NRG1: variants seen among roughly 807,000 people sequenced by gnomAD.
NRG1 encodes the protein neuregulin 1.
A neutral mutation model predicts 63.8 loss-of-function variants in NRG1; 18 were observed. That is an observed-to-expected ratio of 0.28 (90% CI 0.19 to 0.42). NRG1 has a LOEUF of 0.42. Among genes scored for constraint, NRG1 ranks in the 10% least tolerant of loss-of-function variants. The pLI is 1.00. For missense variants in NRG1, 762 were observed against 814.7 expected (o/e 0.94, Z 0.79); for synonymous variants, 302 against 301.3 (o/e 1.00, Z -0.02).
intron 1 of NRG1, among the ~76,000 whole-genome samples, chr8:32,441,588 C>T (rs1819549177): frequency 6.6e-6 from 1 of 151,954 alleles, no homozygotes; most frequent in South Asian, 2.1e-4. Flanking sequence ...CACTGCACTC[C>T]AGTCTGGGAG....
At chr8:31,791,126 T>C (rs111728962) in intron 1 of NRG1, among the ~76,000 whole-genome samples, 7,760 of 151,422 alleles carry the variant, frequency 0.051, 674 homozygotes, top group African/African-American at 0.18. Context: ...CAAGAATCCA[T>C]TGAGCCTGGG....
chr8:31,880,637 T>C (rs760511532), intron 1 of NRG1, among the ~76,000 whole-genome samples: 4 of 152,204 alleles, frequency 2.6e-5, no homozygotes, highest in Non-Finnish European at 4.4e-5. Flanking sequence ...ATGAAGACTT[T>C]GATGTTTAAC....
intron 1 of NRG1, among the ~76,000 whole-genome samples, chr8:31,683,668 G>A (rs1808574931): frequency 6.6e-6 from 1 of 152,096 alleles, no homozygotes. Flanking sequence ...AGCCCTGAGA[G>A]TGAATCCTAA....
chr8:31,936,556 A>G (rs899331455), intron 1 of NRG1, among the ~76,000 whole-genome samples: 5 of 152,232 alleles, frequency 3.3e-5, no homozygotes, highest in Admixed American at 6.5e-5. Flanking sequence ...ACAACCTGGT[A>G]TTACATTTCT....
intron 1 of NRG1, among the ~76,000 whole-genome samples, chr8:32,478,264 T>TC (rs1554554196): frequency 2.0e-5 from 3 of 151,896 alleles, no homozygotes; most frequent in African/African-American, 7.3e-5. Flanking sequence ...TTCTTCCATG[T>TC]GGGGGGGCCT....
At chr8:32,474,438 C>A (rs759076796) in intron 1 of NRG1, among the ~76,000 whole-genome samples, 3 of 151,690 alleles carry the variant, frequency 2.0e-5, no homozygotes, top group Non-Finnish European at 4.4e-5. Context: ...CCCTTCCCTC[C>A]AGGGTCCTGA....
At chr8:32,314,496 A>ATT (rs1362905623) in intron 1 of NRG1, among the ~76,000 whole-genome samples, 3 of 152,178 alleles carry the variant, frequency 2.0e-5, no homozygotes, top group Non-Finnish European at 4.4e-5. Context: ...CTCCAGCAAT[A>ATT]AGCCTAATGA....
At chr8:32,034,569 G>T (rs950209248) in intron 1 of NRG1, among the ~76,000 whole-genome samples, 1 of 152,078 alleles carries the variant, frequency 6.6e-6, no homozygotes, top group African/African-American at 2.4e-5. Context: ...CTGTAGACCA[G>T]TCTATTCCTG....
In NRG1 at chr8:32,742,795, T is replaced by C; in HGVS notation, c.691+62T>C. ...AGCATGCTCAGTTGGTGCTGCTTTC[T>C]TGTTGCTGCATCTCCCCTCAGATTC... On this transcript the variant is annotated intron_variant, in intron 7 of 11. Coordinates refer to ENST00000356819, the Ensembl canonical transcript of NRG1. This position sits in a 1 kb window ranked among gnomAD's most constrained non-coding sequence, Gnocchi z 4.2. 1 of 1,613,274 alleles carries C rather than the reference T, an allele frequency of 6.2e-7. No homozygotes were observed.
At chr8:31,694,581 A>G (rs1307221122) in intron 1 of NRG1, among the ~76,000 whole-genome samples, 2 of 152,120 alleles carry the variant, frequency 1.3e-5, no homozygotes, top group East Asian at 3.9e-4. Flanking sequence ...ATTCTGTAAC[A>G]TGTACTTGTG....
At chr8:32,570,723 T>C (rs1020783984) in intron 1 of NRG1, among the ~76,000 whole-genome samples, 2 of 152,204 alleles carry the variant, frequency 1.3e-5, no homozygotes, top group African/African-American at 4.8e-5. Flanking sequence ...AACTCTTGTT[T>C]TGAAAGGACC....
chr8:32,346,397 G>C (rs1209215725), intron 1 of NRG1, among the ~76,000 whole-genome samples: 1 of 151,002 alleles, frequency 6.6e-6, no homozygotes, highest in East Asian at 1.9e-4. Flanking sequence ...ACAAATCACT[G>C]TTAACATTTG....
intron 1 of NRG1, among the ~76,000 whole-genome samples, chr8:32,433,715 G>T (rs1241009855): frequency 6.6e-6 from 1 of 152,130 alleles, no homozygotes; most frequent in Non-Finnish European, 1.5e-5. Flanking sequence ...CTAAATGGAT[G>T]TTAGAATTCA....
chr8:32,415,703 A>T (rs1030013268), intron 1 of NRG1, among the ~76,000 whole-genome samples: 4 of 152,052 alleles, frequency 2.6e-5, no homozygotes, highest in Admixed American at 6.6e-5. Flanking sequence ...TGTACACTTC[A>T]TTCCCCCTTT....
chr8:31,956,736 A>T, intron 1 of NRG1, among the ~76,000 whole-genome samples: 1 of 152,272 alleles, frequency 6.6e-6, no homozygotes, highest in Non-Finnish European at 1.5e-5. Context: ...TAAGCAGCAG[A>T]ACTGGGATTT....
intron 1 of NRG1, among the ~76,000 whole-genome samples, chr8:31,846,672 A>G (rs16878350): frequency 0.16 from 24,914 of 152,172 alleles, 2,227 homozygotes; most frequent in Non-Finnish European, 0.19. Flanking sequence ...AGTGCACACA[A>G]TGCTGTAGGA....
chr8:32,345,228 G>A (rs1804735384), intron 1 of NRG1, among the ~76,000 whole-genome samples: 1 of 152,190 alleles, frequency 6.6e-6, no homozygotes, highest in South Asian at 2.1e-4. Context: ...CATTGTGCAA[G>A]CACTTTATGA....
chr8:31,646,147 G>A (rs186082069), intron 1 of NRG1, among the ~76,000 whole-genome samples: 3 of 152,328 alleles, frequency 2.0e-5, no homozygotes, highest in East Asian at 3.9e-4. Context: ...CCATGAGGAC[G>A]TGGATGGTAA....
At chr8:32,699,108 T>C (rs1333165709) in intron 5 of NRG1, among the ~76,000 whole-genome samples, 2 of 152,220 alleles carry the variant, frequency 1.3e-5, no homozygotes, top group African/African-American at 4.8e-5. Flanking sequence ...ATAAATAATA[T>C]GCATTCTCTC....
Sources: gnomAD v4.1 joint callset for allele counts (sites outside exome capture counted in the v4.1 genomes callset) on GRCh38, gnomAD v4.1.1 for gene constraint, Gnocchi (gnomAD v3.1) non-coding constraint, MANE v1.5 for transcripts, NCBI Gene and HGNC (gene_info 2026-07-23, HGNC 2026-07-21) for gene names.